Variants in NSG2 observed in about 807,000 individuals in gnomAD.
NSG2 encodes the protein neuronal vesicle trafficking-associated protein 2.
NSG2 carries 4 observed loss-of-function variants against 16.9 expected under a neutral mutation model. The observed-to-expected ratio is 0.24, with a 90% CI of 0.12 to 0.54. NSG2 has a LOEUF of 0.54. Ranked by LOEUF, NSG2 falls within the 20% of genes least tolerant of loss-of-function variation. The pLI, the probability that NSG2 is intolerant of heterozygous loss-of-function variation, is 0.95. For synonymous variants in NSG2, 98 were observed against 88.7 expected, an observed-to-expected ratio of 1.11 and a Z score of -0.59; for missense variants, 179 against 221.1, an observed-to-expected ratio of 0.81 and a Z score of 1.21.
chr5:174,048,703 T>C (rs1428324763), intron 2 of NSG2, among the ~76,000 whole-genome samples: 1 of 152,042 alleles, frequency 6.6e-6, no homozygotes, highest in Admixed American at 6.6e-5. Flanking sequence ...ATGGTCTCTG[T>C]CCCCCCTTAC....
At chr5:174,076,534 G>A (rs1399165413) in intron 3 of NSG2, among the ~76,000 whole-genome samples, 1 of 152,032 alleles carries the variant, frequency 6.6e-6, no homozygotes, top group East Asian at 1.9e-4. Context: ...ACTTTATATT[G>A]CATTTCTCTG....
intron 3 of NSG2, among the ~76,000 whole-genome samples, chr5:174,080,572 T>C (rs1581231225): frequency 6.6e-6 from 1 of 151,434 alleles, no homozygotes; most frequent in East Asian, 1.9e-4. Flanking sequence ...CTTTTCTTTC[T>C]TTTCTTTCTT....
chr5:174,048,815 G>A (rs1198892624), intron 2 of NSG2, among the ~76,000 whole-genome samples: 8 of 152,142 alleles, frequency 5.3e-5, no homozygotes, highest in Admixed American at 3.3e-4. Context: ...CTGTCCCAAA[G>A]CCTGAAGGAT....
chr5:174,075,741 T>C (rs1274650409), intron 3 of NSG2, among the ~76,000 whole-genome samples: 2 of 152,330 alleles, frequency 1.3e-5, no homozygotes, highest in Middle Eastern at 3.4e-3. Context: ...TTATATTAAA[T>C]GTGATTCTTA....
At chr5:174,058,193 G>A (rs763291609) in intron 2 of NSG2, among the ~76,000 whole-genome samples, 2 of 152,172 alleles carry the variant, frequency 1.3e-5, no homozygotes, top group Non-Finnish European at 1.5e-5. Flanking sequence ...AGGGTCAAGG[G>A]TGAATGTTCA....
intron 2 of NSG2, among the ~76,000 whole-genome samples, chr5:174,051,133 G>A (rs901892824): frequency 2.0e-5 from 3 of 152,130 alleles, no homozygotes; most frequent in Admixed American, 6.5e-5. Flanking sequence ...AGTTAGCAAT[G>A]TCTGGAGACA....
chr5:174,046,442 G>A (rs1162900518), intron 1 of NSG2, among the ~76,000 whole-genome samples: 4 of 152,002 alleles, frequency 2.6e-5, no homozygotes, highest in African/African-American at 9.7e-5. Flanking sequence ...TAGTGTCTTG[G>A]GTATTTGTTT....
intron 3 of NSG2, among the ~76,000 whole-genome samples, chr5:174,100,611 C>T (rs779520155): frequency 1.7e-4 from 26 of 152,168 alleles, no homozygotes; most frequent in Non-Finnish European, 3.4e-4. Context: ...TCCAACGTAC[C>T]TCCCTCCCTC....
chr5:174,046,394 A>G (rs886680849), intron 1 of NSG2, among the ~76,000 whole-genome samples: 3 of 152,122 alleles, frequency 2.0e-5, no homozygotes, highest in African/African-American at 7.2e-5. Flanking sequence ...TGCACTAAGT[A>G]TAATCTTTTT....
intron 2 of NSG2, among the ~76,000 whole-genome samples, chr5:174,059,523 G>A (rs1397919884): frequency 1.3e-5 from 2 of 152,078 alleles, no homozygotes; most frequent in African/African-American, 2.4e-5. Flanking sequence ...TCACTTTTCA[G>A]TTCATTTTCT....
intron 4 of NSG2, among the ~76,000 whole-genome samples, chr5:174,105,224 T>A (rs1407485207): frequency 6.6e-6 from 1 of 152,310 alleles, no homozygotes; most frequent in Non-Finnish European, 1.5e-5. Flanking sequence ...ACAATAATTA[T>A]GTTTTGATGT....
At position 174,068,350 on chromosome 5, in the gene NSG2, A is replaced by G. The variant is rs374707965; in HGVS notation, c.213+4035A>G. Among the ~76,000 whole-genome samples the G allele has an allele frequency of 3.0e-4, 46 of 152,360 alleles. 1 individual carries two copies. In the South Asian group the frequency reaches 9.1e-3, roughly 30 times the overall value. Reference sequence around the variant, plus strand: ...CTGAAACTAAGGAGGCCCTGCAGTCATTGTAAAGGGCCACAGACTTGAAAT... The same window carrying G: ...CTGAAACTAAGGAGGCCCTGCAGTCGTTGTAAAGGGCCACAGACTTGAAAT... On this transcript the variant is annotated intron_variant, in intron 3 of 4. Coordinates refer to ENST00000303177, the MANE Select transcript of NSG2 (RefSeq NM_015980.5).
chr5:174,073,496 T>A (rs866016148), intron 3 of NSG2, among the ~76,000 whole-genome samples: 2 of 152,314 alleles, frequency 1.3e-5, no homozygotes, highest in South Asian at 2.1e-4. Flanking sequence ...GAGTGTTTCA[T>A]GTTTATTATT....
At chr5:174,084,513 C>T (rs1391181013) in intron 3 of NSG2, among the ~76,000 whole-genome samples, 1 of 152,218 alleles carries the variant, frequency 6.6e-6, no homozygotes, top group Non-Finnish European at 1.5e-5. Flanking sequence ...CTCAGCTGGC[C>T]TGATGCGAGT....
At position 174,087,410 on chromosome 5, in the gene NSG2, C is replaced by T. The variant is rs142614729; in HGVS notation, c.214-16818C>T. ...TTATAGGCAGGTGACTTAACTACTC[C>T]GTGTTTCATTTTCTTCATGTATAAA... On this transcript the variant is annotated intron_variant, in intron 3 of 4. Coordinates refer to ENST00000303177, the MANE Select transcript of NSG2 (RefSeq NM_015980.5). Among the ~76,000 whole-genome samples the T allele has an allele frequency of 7.3e-4, 111 of 152,182 alleles. 1 individual carries two copies. The East Asian group carries it at 0.017, about 23-fold the overall frequency.
At chr5:174,086,453 G>A (rs972364400) in intron 3 of NSG2, 2 of 152,140 alleles carry the variant, frequency 1.3e-5, no homozygotes, top group African/African-American at 4.8e-5. Flanking sequence ...CCTTGACAAC[G>A]ATTGTCTGGA....
chr5:174,100,607 G>A (rs1490345989), intron 3 of NSG2, among the ~76,000 whole-genome samples: 4 of 152,126 alleles, frequency 2.6e-5, no homozygotes, highest in African/African-American at 7.2e-5. Flanking sequence ...TACCTCCAAC[G>A]TACCTCCCTC....
chr5:174,087,463 T>C (rs1455045082), intron 3 of NSG2, among the ~76,000 whole-genome samples: 1 of 152,102 alleles, frequency 6.6e-6, no homozygotes, highest in African/African-American at 2.4e-5. Context: ...CTCTACCTTA[T>C]AGAGTTGGTT....
rs536547157 is a variant in NSG2, at chr5:174,074,109, A to G, written c.213+9794A>G. ...CCCCCAAGAGCTGGTCTCTCAGCAC[A>G]CCACTGTGGAAAGGCGATATGGAAG... On this transcript the variant is annotated intron_variant, in intron 3 of 4. Coordinates refer to ENST00000303177, the MANE Select transcript of NSG2 (RefSeq NM_015980.5). Among the ~76,000 whole-genome samples the G allele has an allele frequency of 4.6e-5, 7 of 152,278 alleles. No homozygotes were observed. The East Asian group carries it at 1.3e-3, about 29-fold the overall frequency.
Sources: gnomAD v4.1 joint callset for allele counts (sites outside exome capture counted in the v4.1 genomes callset) on GRCh38, gnomAD v4.1.1 for gene constraint, MANE v1.5 for transcripts, NCBI Gene and HGNC (gene_info 2026-07-23, HGNC 2026-07-21) for gene names.